Variants in MDGA2 observed in about 807,000 individuals in gnomAD.
MDGA2 encodes MAM domain-containing glycosylphosphatidylinositol anchor protein 2.
Under a neutral mutation model 117.8 loss-of-function variants are expected in MDGA2, and 40 were observed. The ratio of observed to expected loss-of-function variants is 0.34; its 90% confidence interval spans 0.26 to 0.44. The LOEUF (loss-of-function observed/expected upper bound fraction) is 0.44, where lower values mean the gene tolerates loss of function less well. Ranked by LOEUF, MDGA2 falls within the 20% of genes least tolerant of loss-of-function variation. The pLI, the probability that MDGA2 is intolerant of heterozygous loss-of-function variation, is 1.00. For missense variants in MDGA2, 1,123 were observed against 1,250.6 expected, an observed-to-expected ratio of 0.90 and a Z score of 1.54; for synonymous variants, 452 against 439.0, an observed-to-expected ratio of 1.03 and a Z score of -0.37.
At chr14:47,052,970 T>C (rs1889509702) in intron 7 of MDGA2, among the ~76,000 whole-genome samples, 1 of 151,932 alleles carries the variant, frequency 6.6e-6, no homozygotes, top group Non-Finnish European at 1.5e-5. Flanking sequence ...TCCTTTCACT[T>C]AAATGAAAAT....
intron 11 of MDGA2, among the ~76,000 whole-genome samples, chr14:46,879,842 TA>T (rs1170006376): frequency 6.6e-6 from 1 of 152,158 alleles, no homozygotes; most frequent in Non-Finnish European, 1.5e-5. Flanking sequence ...ATTTATTTGG[TA>T]AAAACTGTAA....
intron 1 of MDGA2, among the ~76,000 whole-genome samples, chr14:47,314,624 GCTATAATT>G: frequency 1.3e-5 from 2 of 151,966 alleles, no homozygotes; most frequent in Middle Eastern, 3.4e-3. Context: ...GCAGCAGTGA[GCTATAATT>G]GCACCATTAC....
chr14:46,971,058 C>CA (rs1007105446), intron 8 of MDGA2, among the ~76,000 whole-genome samples: 5 of 151,586 alleles, frequency 3.3e-5, no homozygotes, highest in African/African-American at 4.8e-5. Flanking sequence ...AACAAAAACA[C>CA]AAAAAAACAG....
chr14:47,010,409 G>A (rs1240216861), intron 8 of MDGA2, among the ~76,000 whole-genome samples: 1 of 152,074 alleles, frequency 6.6e-6, no homozygotes, highest in Admixed American at 6.6e-5. Context: ...TATACACTCT[G>A]ACGTAAAATA....
intron 16 of MDGA2, among the ~76,000 whole-genome samples, chr14:46,843,575 G>C (rs1880702366): frequency 6.6e-6 from 1 of 152,152 alleles, no homozygotes; most frequent in East Asian, 1.9e-4. Flanking sequence ...TATGTTACTT[G>C]AAATACTAAG....
At chr14:47,316,036 G>A (rs1428732154) in intron 1 of MDGA2, among the ~76,000 whole-genome samples, 1 of 152,054 alleles carries the variant, frequency 6.6e-6, no homozygotes, top group Non-Finnish European at 1.5e-5. Context: ...TGTGATGTGT[G>A]TGAAGTTGGA....
Position 46,974,867 on chromosome 14 carries a change from G to A in MDGA2, c.1820-17224C>T, listed in dbSNP as rs573554048. ...TGACAACAGAAAACAAATGGAATTC[G>A]TATTTTTTTTCAAGTTGTGCATTAA... On this transcript the variant is annotated intron_variant, in intron 8 of 16. Coordinates refer to ENST00000399232, the MANE Select transcript of MDGA2 (RefSeq NM_001113498.3). Among the ~76,000 whole-genome samples the A allele has an allele frequency of 2.6e-5, 4 of 151,968 alleles. No individual in the cohort carries two copies. The South Asian group carries it at 6.2e-4, about 24-fold the overall frequency.
At chr14:47,258,145 A>T (rs1887682809) in intron 2 of MDGA2, among the ~76,000 whole-genome samples, 1 of 152,218 alleles carries the variant, frequency 6.6e-6, no homozygotes, top group South Asian at 2.1e-4. Flanking sequence ...TTTTATCTTC[A>T]TGTAGTATGT....
At chr14:47,374,620 G>A (rs1049125839) in intron 1 of MDGA2, among the ~76,000 whole-genome samples, 13 of 152,046 alleles carry the variant, frequency 8.6e-5, no homozygotes, top group African/African-American at 2.9e-4. Context: ...ATTTTGAAAT[G>A]AAACATCAAA....
intron 1 of MDGA2, among the ~76,000 whole-genome samples, chr14:47,613,464 C>G (rs1896889385): frequency 9.8e-6 from 1 of 101,532 alleles, no homozygotes; most frequent in South Asian, 5.1e-4. Context: ...ATTTATCTCT[C>G]TCTCTCTCTC....
chr14:47,014,460 T>C lies in MDGA2; in HGVS notation c.1819+20551A>G, dbSNP rs116413953. Reference sequence around the variant, plus strand: ...CATTTTCTTTCAATAGAAGGCTGTTTTGTCTACATTGAAAATCTGTTGTTT... The same window carrying C: ...CATTTTCTTTCAATAGAAGGCTGTTCTGTCTACATTGAAAATCTGTTGTTT... On this transcript the variant is annotated intron_variant, in intron 8 of 16. Transcript: ENST00000399232. 3.8e-3 allele frequency among the ~76,000 whole-genome samples: 584 copies of C among 152,308 alleles called. 7 individuals carry two copies. The highest frequency in any genetic ancestry group is 0.013 in the African/African-American group (556 of 41,572).
chr14:47,390,858 A>G (rs1342388464), intron 1 of MDGA2, among the ~76,000 whole-genome samples: 1 of 151,946 alleles, frequency 6.6e-6, no homozygotes, highest in Non-Finnish European at 1.5e-5. Flanking sequence ...CTATTTCTCT[A>G]AATGTTTCTT....
intron 8 of MDGA2, among the ~76,000 whole-genome samples, chr14:47,015,416 T>A (rs1245703881): frequency 2.9e-5 from 4 of 138,836 alleles, no homozygotes; most frequent in African/African-American, 8.0e-5. Flanking sequence ...TAAAGGACAA[T>A]AAAACAAAAT....
Position 47,625,483 on chromosome 14 carries a change from A to C in MDGA2, c.280+49034T>G, listed in dbSNP as rs558271217. ...CTAACAGCAATGTTACACAAAATTCATATTTGTATTTTCAGTCTAAAATAG... is the reference window on the plus strand; with the variant it reads ...CTAACAGCAATGTTACACAAAATTCCTATTTGTATTTTCAGTCTAAAATAG... On this transcript the variant is annotated intron_variant, in intron 1 of 16. Transcript: ENST00000399232. Among the ~76,000 whole-genome samples the C allele has an allele frequency of 1.1e-4, 16 of 152,318 alleles. No homozygotes were observed. In the South Asian group the frequency reaches 2.5e-3, roughly 24 times the overall value.
chr14:47,117,122 AAAG>A (rs1881374382), intron 5 of MDGA2, among the ~76,000 whole-genome samples: 1 of 152,162 alleles, frequency 6.6e-6, no homozygotes, highest in Admixed American at 6.5e-5. Context: ...GACATTCTCC[AAAG>A]AAGACACACA....
At chr14:47,214,809 A>G (rs548415767) in intron 3 of MDGA2, among the ~76,000 whole-genome samples, 1 of 152,214 alleles carries the variant, frequency 6.6e-6, no homozygotes, top group African/African-American at 2.4e-5. Flanking sequence ...ATTTGCTGAG[A>G]GGTACCCATT....
At chr14:46,882,339 G>C (rs146270191) in intron 10 of MDGA2, 118 bp from the exon 11 acceptor site, 2 of 785,488 alleles carry the variant, frequency 2.5e-6, no homozygotes, top group Non-Finnish European at 3.8e-6. Flanking sequence ...TAATGAATAC[G>C]TATTATTAAA....
intron 6 of MDGA2, among the ~76,000 whole-genome samples, chr14:47,076,150 A>ATTC (rs1219220899): frequency 6.6e-6 from 1 of 152,138 alleles, no homozygotes; most frequent in Non-Finnish European, 1.5e-5. Context: ...TAAATACTAT[A>ATTC]TGCTTTTTGT....
intron 6 of MDGA2, among the ~76,000 whole-genome samples, chr14:47,086,612 AT>A (rs11448517): frequency 4.6e-5 from 7 of 151,498 alleles, no homozygotes; most frequent in Admixed American, 3.9e-4. Context: ...TTAAACATAG[AT>A]TTTTTTTTAC....
Sources: gnomAD v4.1 joint callset for allele counts (sites outside exome capture counted in the v4.1 genomes callset) on GRCh38, gnomAD v4.1.1 for gene constraint, MANE v1.5 for transcripts, NCBI Gene and HGNC (gene_info 2026-07-23, HGNC 2026-07-21) for gene names.